EVC2: variants seen among roughly 807,000 people sequenced by gnomAD.
EVC2 encodes EvC ciliary complex subunit 2.
A neutral mutation model predicts 149.3 loss-of-function variants in EVC2; 148 were observed. That is an observed-to-expected ratio of 0.99 (90% CI 0.87 to 1.14). The LOEUF (loss-of-function observed/expected upper bound fraction) is 1.14, where lower values mean the gene tolerates loss of function less well. EVC2 is among the 50% of genes most tolerant of loss of function. The probability of loss-of-function intolerance (pLI) is 0.00; values close to 1 mark genes in which losing one functional copy is unlikely to be tolerated. For missense variants in EVC2, 1,854 were observed against 1,627.3 expected (o/e 1.14, Z -2.40); for synonymous variants, 776 against 649.9 (o/e 1.19, Z -2.95).
chr4:5,574,635 A>AGTGAC lies in EVC2; in HGVS notation c.3360+45_3360+49dup, dbSNP rs746530559. The AGTGAC allele has an allele frequency of 2.6e-6, 4 of 1,552,844 alleles. No individual in the cohort carries two copies. In the Admixed American group the frequency reaches 6.7e-5, roughly 26 times the overall value. On this transcript the variant is annotated intron_variant, in intron 19 of 21. Transcript: ENST00000344408. ...AATGTGGATTCTGAGAAAAAGATGA[A>AGTGAC]GTGACGTGCTGGCAAGGGGTGGCCT...
intron 9 of EVC2, among the ~76,000 whole-genome samples, chr4:5,643,534 A>G (rs1299570155): frequency 6.6e-6 from 1 of 152,086 alleles, no homozygotes; most frequent in Admixed American, 6.5e-5. Flanking sequence ...CTGTTAATCT[A>G]TCTCATGTCA....
chr4:5,665,531 A>T lies in EVC2; in HGVS notation c.989T>A (p.Met330Lys). ...MVRYQCLKGNMLTRHRVWQYE... is the reference protein window; with the variant it reads ...MVRYQCLKGNKLTRHRVWQYE... ...AAGACTCACCCGATGTCTGGTGAGC[A>T]TGTTTCCCTTCAGACACTGATAGCG... Residue 330 changes from methionine to lysine, a missense_variant, in exon 8 of 22, where the codon ATG (methionine) becomes AAG (lysine). Met to Lys is a moderately conservative substitution (Grantham distance 95). Coordinates refer to ENST00000344408, the MANE Select transcript of EVC2 (RefSeq NM_147127.5). The T allele has an allele frequency of 6.2e-7, 1 of 1,614,152 alleles. No homozygotes were observed. Among genetic ancestry groups the T allele is most frequent in the Non-Finnish European group, 8.5e-7 (1 of 1,180,026 alleles).
rs780550518 is a variant in EVC2, at chr4:5,697,592, C to A, written c.283+1G>T. 3 of 1,614,140 alleles carry A rather than the reference C, an allele frequency of 1.9e-6. No homozygotes were observed. The highest frequency in any genetic ancestry group is 2.5e-6 in the Non-Finnish European group (3 of 1,179,994). ...GAACATCAACCAGAAGAAAAACTCA[C>A]CTGCAGTCTTAAAGTGACAGCATTC... On this transcript the variant is annotated splice_donor_variant, in intron 2 of 21. Transcript: ENST00000344408. LOFTEE classifies it high-confidence loss of function.
chr4:5,556,968 G>A (rs1721851535), intron 21 of EVC2, among the ~76,000 whole-genome samples: 1 of 152,056 alleles, frequency 6.6e-6, no homozygotes, highest in Non-Finnish European at 1.5e-5. Context: ...CCCAGACTCA[G>A]ATCATTTTAC....
intron 16 of EVC2, among the ~76,000 whole-genome samples, chr4:5,611,811 G>A (rs571446529): frequency 6.6e-6 from 1 of 152,256 alleles, no homozygotes; most frequent in Non-Finnish European, 1.5e-5. Flanking sequence ...ATTATTAGGT[G>A]CCTTAAAGGA....
intron 7 of EVC2, among the ~76,000 whole-genome samples, chr4:5,680,560 C>A (rs1274100471): frequency 6.6e-6 from 1 of 152,158 alleles, no homozygotes; most frequent in South Asian, 2.1e-4. Flanking sequence ...TAGAGAATCA[C>A]CGAACCCGGG....
chr4:5,690,405 GTT>G (rs1165240823), intron 4 of EVC2, among the ~76,000 whole-genome samples: 133 of 141,558 alleles, frequency 9.4e-4, no homozygotes, highest in African/African-American at 5.7e-4. Flanking sequence ...GTGGGTTGTT[GTT>G]TTTTTTTTTT....
chr4:5,701,335 G>A (rs751719817), intron 1 of EVC2, among the ~76,000 whole-genome samples: 3 of 152,146 alleles, frequency 2.0e-5, no homozygotes, highest in Non-Finnish European at 2.9e-5. Context: ...CTTGTATAAT[G>A]TCAATTCCCA....
Position 5,685,462 on chromosome 4 carries a change from C to G in EVC2, c.724G>C (p.Val242Leu). ...GCCTGGAGCGTGGCTGCGTAGCTGA[C>G]AGCAAAGGCATCTCCCACTGCGCAG... ...KFLQVGDAFAVSYAATLQAGD... is the reference protein window; with the variant it reads ...KFLQVGDAFALSYAATLQAGD... The change falls in exon 6 of 22, where the codon GTC becomes CTC. Residue 242 changes from valine to leucine, a missense_variant. Transcript: ENST00000344408. 6.2e-7 allele frequency: 1 copy of G among 1,614,216 alleles called. No homozygotes were observed. Among genetic ancestry groups the G allele is most frequent in the South Asian group, 1.1e-5 (1 of 91,090 alleles).
intron 15 of EVC2, among the ~76,000 whole-genome samples, chr4:5,617,762 C>T (rs1715365609): frequency 6.6e-6 from 1 of 152,094 alleles, no homozygotes; most frequent in Admixed American, 6.5e-5. Flanking sequence ...AAGGCCTTAT[C>T]TTATGTTGGG....
At chr4:5,558,273 G>C (rs368139966), downstream of EVC2, among the ~76,000 whole-genome samples, 1 of 152,192 alleles carries the variant, frequency 6.6e-6, no homozygotes, top group East Asian at 1.9e-4. Context: ...ATAGTTAACT[G>C]ACCTTTGACA....
downstream of EVC2, among the ~76,000 whole-genome samples, chr4:5,540,545 C>A (rs1721493298): frequency 6.6e-6 from 1 of 152,130 alleles, no homozygotes; most frequent in East Asian, 1.9e-4. Context: ...TAATTATGTT[C>A]AGTGAAAGAA....
In EVC2 at chr4:5,640,527, C is replaced by T. The variant is rs150329661; in HGVS notation, c.1457G>A (p.Arg486His). 45 of 1,614,110 alleles carry T rather than the reference C, an allele frequency of 2.8e-5. No homozygotes were observed. The highest frequency in any genetic ancestry group is 3.2e-5 in the Non-Finnish European group (38 of 1,180,030). ...AMEEAEELLK[R>H]AGERSAVECS... ...GACCTGTCTTACCCTCTCACCAGCA[C>T]GTTTCAGCAACTCTTCTGCTTCCTC... Residue 486 changes from arginine (R) to histidine (H), a missense_variant, in exon 10 of 22, where the codon CGT becomes CAT. Physicochemically the swap from Arg to His is conservative, Grantham distance 29. Transcript: ENST00000344408. This position sits in a 1 kb window ranked among gnomAD's most constrained non-coding sequence, Gnocchi z 4.6.
chr4:5,635,700 G>T (rs552080276), intron 10 of EVC2, among the ~76,000 whole-genome samples: 21 of 151,316 alleles, frequency 1.4e-4, no homozygotes, highest in African/African-American at 4.9e-4. Flanking sequence ...AAATCCATCA[G>T]AAACGGTGAA....
chr4:5,599,201 C>T (rs1203109848), intron 16 of EVC2, among the ~76,000 whole-genome samples: 1 of 151,102 alleles, frequency 6.6e-6, no homozygotes, highest in Non-Finnish European at 1.5e-5. Flanking sequence ...TACCATTTGA[C>T]CAGGCCATCC....
At chr4:5,649,056 T>C (rs1433809235) in intron 9 of EVC2, among the ~76,000 whole-genome samples, 3 of 152,194 alleles carry the variant, frequency 2.0e-5, no homozygotes, top group African/African-American at 7.2e-5. Context: ...TACACGTATT[T>C]TTCCATTCCC....
At chr4:5,631,132 C>A (rs1288790780) in intron 11 of EVC2, among the ~76,000 whole-genome samples, 1 of 152,220 alleles carries the variant, frequency 6.6e-6, no homozygotes, top group Non-Finnish European at 1.5e-5. Flanking sequence ...CATTCACACT[C>A]AAGCTGACAT....
At chr4:5,582,705 A>T (rs1340744437) in intron 17 of EVC2, among the ~76,000 whole-genome samples, 1 of 152,148 alleles carries the variant, frequency 6.6e-6, no homozygotes. Context: ...GTGGGACTAC[A>T]TCTCATGTTG....
intron 1 of EVC2, among the ~76,000 whole-genome samples, chr4:5,698,611 A>G (rs1003169220): frequency 7.9e-5 from 12 of 152,252 alleles, no homozygotes; most frequent in African/African-American, 2.4e-4. Context: ...GCTCTCCCAG[A>G]TGGAACCTTC....
Sources: allele counts gnomAD v4.1 joint callset (sites outside exome capture counted in the v4.1 genomes callset), GRCh38; gene constraint gnomAD v4.1.1; non-coding constraint Gnocchi (gnomAD v3.1); transcripts MANE v1.5; gene names NCBI Gene and HGNC (gene_info 2026-07-23, HGNC 2026-07-21).